The following PTOV1 variants were observed in gnomAD, a reference collection of about 807,000 sequenced individuals.
The protein encoded by PTOV1 is prostate tumor-overexpressed gene 1 protein.
A neutral mutation model predicts 58.0 loss-of-function variants in PTOV1; 20 were observed. The ratio of observed to expected loss-of-function variants is 0.34; its 90% CI spans 0.24 to 0.50. The LOEUF (loss-of-function observed/expected upper bound fraction) is 0.50, where lower values mean the gene tolerates loss of function less well. Among genes scored for constraint, PTOV1 ranks in the 20% least tolerant of loss-of-function variants. The probability of loss-of-function intolerance (pLI) is 0.98; values close to 1 mark genes in which losing one functional copy is unlikely to be tolerated. For synonymous variants in PTOV1, 335 were observed against 234.2 expected (o/e 1.43, Z -3.93); for missense variants, 593 against 565.4 (o/e 1.05, Z -0.50).
intron 1 of PTOV1, chr19:49,851,749 G>A (rs1162731234): frequency 5.4e-5 from 59 of 1,095,794 alleles, no homozygotes; most frequent in Non-Finnish European, 6.3e-5. Context: ...TATTACTGCT[G>A]ACTCCGCGGC....
chr19:49,860,368 A>T, exon 12 of PTOV1: 1 of 481,198 alleles, frequency 2.1e-6, no homozygotes, highest in Non-Finnish European at 3.9e-6. Context: ...TACAGGAGGG[A>T]CCCTGGGGCA....
chr19:49,855,955 G>A (rs1215251182), intron 5 of PTOV1, among the ~76,000 whole-genome samples: 1 of 152,094 alleles, frequency 6.6e-6, no homozygotes, highest in African/African-American at 2.4e-5. Context: ...CAGGGGTGGG[G>A]TGGGAGCGAG....
chr19:49,858,903 C>G, intron 10 of PTOV1: 1 of 444,148 alleles, frequency 2.3e-6, no homozygotes, highest in Non-Finnish European at 4.1e-6. Flanking sequence ...GCACCAACTC[C>G]GCGCTCTCCA....
chr19:49,859,833 A>T (rs1482824302), intron 10 of PTOV1, 153 bp from the exon 11 acceptor site: 3 of 785,790 alleles, frequency 3.8e-6, no homozygotes, highest in Non-Finnish European at 6.2e-6. Context: ...GTGTCATCCC[A>T]ATAAGGGGGC....
intron 1 of PTOV1, chr19:49,851,852 A>G (rs2074264642): frequency 1.2e-5 from 12 of 987,400 alleles, no homozygotes; most frequent in Non-Finnish European, 1.4e-5. Context: ...CGGGCAGGAA[A>G]CCTGGAAATG....
intron 1 of PTOV1, among the ~76,000 whole-genome samples, chr19:49,853,389 CCCTCGT>C (rs1328889180): frequency 6.6e-6 from 1 of 151,724 alleles, no homozygotes; most frequent in Non-Finnish European, 1.5e-5. Flanking sequence ...GGCTTGGTGG[CCCTCGT>C]CTGTAATCCC....
At chr19:49,859,567 A>T (rs1246808724) in intron 10 of PTOV1, among the ~76,000 whole-genome samples, 1 of 150,804 alleles carries the variant, frequency 6.6e-6, no homozygotes, top group South Asian at 2.1e-4. Context: ...AGCGAAACTC[A>T]GTCTCAAAAA....
rs758399521 is a variant in PTOV1 at position 49,857,997 on chromosome 19, G to T, written c.878+20G>T. On this transcript the variant is annotated intron_variant, in intron 8 of 11. Coordinates refer to ENST00000391842, the Ensembl canonical transcript of PTOV1. Reference sequence around the variant, plus strand: ...GATCCTGTGAGTGCTGGGCTGGGGGGTGGAGGCAGCATCCAGGGGAGCTGG... The same window carrying T: ...GATCCTGTGAGTGCTGGGCTGGGGGTTGGAGGCAGCATCCAGGGGAGCTGG... The T allele has an allele frequency of 3.7e-6, 6 of 1,613,030 alleles. No individual in the cohort carries two copies. The highest frequency in any genetic ancestry group is 5.1e-6 in the Non-Finnish European group (6 of 1,179,386).
intron 5 of PTOV1, 153 bp from the exon 6 acceptor site, chr19:49,856,822 A>G: frequency 1.1e-6 from 1 of 897,942 alleles, no homozygotes; most frequent in East Asian, 2.6e-5. Flanking sequence ...ACGGGCTCTC[A>G]GAGGCCCCTC....
At chr19:49,853,259 C>T (rs1399946449) in intron 1 of PTOV1, 1 of 152,166 alleles carries the variant, frequency 6.6e-6, no homozygotes, top group Non-Finnish European at 1.5e-5. Context: ...TGTTTTCCCC[C>T]GCCTGGAGGC....
At chr19:49,854,367 C>G (rs753261572) in intron 1 of PTOV1, 39 bp from the exon 2 acceptor site, 2 of 1,583,800 alleles carry the variant, frequency 1.3e-6, no homozygotes, top group Non-Finnish European at 1.7e-6. Flanking sequence ...TTGCAGGCCC[C>G]GGCCTCAGTT....
chr19:49,854,001 T>G (rs757047974), intron 1 of PTOV1, among the ~76,000 whole-genome samples: 5 of 152,210 alleles, frequency 3.3e-5, no homozygotes, highest in South Asian at 2.1e-4. Context: ...GCAAGCCGGC[T>G]TGTGCCTGTG....
intron 5 of PTOV1, chr19:49,855,280 C>G (rs557488142): frequency 1.7e-6 from 1 of 590,370 alleles, no homozygotes; most frequent in African/African-American, 1.9e-5. Flanking sequence ...CCTGAGAGGC[C>G]TCCAGTTTCT....
chr19:49,851,038 C>G, upstream of PTOV1: 1 of 1,521,614 alleles, frequency 6.6e-7, no homozygotes. Flanking sequence ...GAGAGGCCCG[C>G]AGGACCGCCG....
At chr19:49,857,232 G>C in intron 6 of PTOV1, 102 bp downstream of exon 6, 1 of 1,483,272 alleles carries the variant, frequency 6.7e-7, no homozygotes, top group Non-Finnish European at 9.3e-7. Flanking sequence ...TGATGCGATG[G>C]CTGGAGCAAG....
At chr19:49,855,148 G>C in intron 5 of PTOV1, 71 bp downstream of exon 5, 1 of 1,428,734 alleles carries the variant, frequency 7.0e-7, no homozygotes, top group Non-Finnish European at 9.6e-7. Context: ...TGCTCACACA[G>C]TCCAGGCGGG....
At chr19:49,850,897 TCCCGACCCCCG>T, upstream of PTOV1, 1 of 1,535,732 alleles carries the variant, frequency 6.5e-7, no homozygotes, top group Non-Finnish European at 8.7e-7. Flanking sequence ...TCTCCCGCCG[TCCCGACCCCCG>T]CAAGGGGCCA....
chr19:49,856,865 C>CT (rs1475942961), intron 5 of PTOV1, 110 bp from the exon 6 acceptor site: 1 of 1,349,922 alleles, frequency 7.4e-7, no homozygotes, highest in African/African-American at 1.4e-5. Context: ...GTGGGGGCCT[C>CT]TGTCCACCGA....
intron 1 of PTOV1, chr19:49,852,165 C>A: frequency 1.2e-6 from 1 of 806,066 alleles, no homozygotes; most frequent in Non-Finnish European, 1.5e-6. Flanking sequence ...CACATCGCGA[C>A]TTTGCACCGT....
Sources: gnomAD v4.1 joint callset for allele counts (sites outside exome capture counted in the v4.1 genomes callset) on GRCh38, gnomAD v4.1.1 for gene constraint, MANE v1.5 for transcripts, NCBI Gene and HGNC (gene_info 2026-07-23, HGNC 2026-07-21) for gene names.